The following NCOA1 variants were observed in gnomAD, a reference collection of about 807,000 sequenced individuals.
NCOA1 encodes nuclear receptor coactivator 1.
In NCOA1, 35 loss-of-function variants were observed where a neutral mutation model predicts 150.9. The ratio of observed to expected loss-of-function variants is 0.23; its 90% CI spans 0.18 to 0.31. The LOEUF is 0.31. Among genes scored for constraint, NCOA1 ranks in the 10% least tolerant of loss-of-function variants. NCOA1 has a pLI of 1.00. For synonymous variants in NCOA1, 590 were observed against 630.0 expected (o/e 0.94, Z 0.95); for missense variants, 1,491 against 1,749.3 (o/e 0.85, Z 2.63).
At chr2:24,517,625 G>C (rs985072811) in intron 1 of NCOA1, among the ~76,000 whole-genome samples, 1 of 152,100 alleles carries the variant, frequency 6.6e-6, no homozygotes, top group Non-Finnish European at 1.5e-5. Flanking sequence ...CAAACAATTA[G>C]AACTAGAATA....
At chr2:24,506,168 C>A (rs1054383569) in intron 1 of NCOA1, among the ~76,000 whole-genome samples, 41 of 151,816 alleles carry the variant, frequency 2.7e-4, no homozygotes, top group African/African-American at 8.7e-4. Context: ...CTAATCCAGA[C>A]CCCTGTTGGC....
At chr2:24,576,318 C>A (rs1360833293) in intron 2 of NCOA1, among the ~76,000 whole-genome samples, 1 of 151,772 alleles carries the variant, frequency 6.6e-6, no homozygotes, top group African/African-American at 2.4e-5. Context: ...TAGTTTCTTT[C>A]TGTTAGGCTA....
chr2:24,599,813 C>A (rs188395712), intron 3 of NCOA1, among the ~76,000 whole-genome samples: 1 of 150,088 alleles, frequency 6.7e-6, no homozygotes, highest in Non-Finnish European at 1.5e-5. Context: ...TCACTGCAAA[C>A]CTCTGCCTCC....
intron 1 of NCOA1, among the ~76,000 whole-genome samples, chr2:24,548,343 A>G (rs563844354): frequency 4.6e-4 from 70 of 152,358 alleles, no homozygotes; most frequent in African/African-American, 1.7e-3. Flanking sequence ...ACAGCATGGG[A>G]AAAGACCTGC....
At chr2:24,545,406 G>A (rs1477564813) in intron 1 of NCOA1, among the ~76,000 whole-genome samples, 1 of 152,124 alleles carries the variant, frequency 6.6e-6, no homozygotes, top group African/African-American at 2.4e-5. Flanking sequence ...ATGACCCAAA[G>A]CATAAAATAA....
intron 1 of NCOA1, among the ~76,000 whole-genome samples, chr2:24,533,682 T>C (rs1483572595): frequency 1.3e-5 from 2 of 152,208 alleles, no homozygotes; most frequent in Non-Finnish European, 2.9e-5. Context: ...GTTGAAGGCC[T>C]TTTCTGCATC....
At position 24,665,730 on chromosome 2, in the gene NCOA1, G is replaced by T. The variant is rs1389120425; in HGVS notation, c.90-19G>T. The T allele has an allele frequency of 2.0e-6, 3 of 1,485,286 alleles. No homozygotes were observed. The highest frequency in any genetic ancestry group is 2.8e-5 in the African/African-American group (2 of 70,750). 92.0% of individuals were successfully genotyped at this position (1,485,286 alleles called of 1,614,324 possible). On this transcript the variant is annotated intron_variant, in intron 5 of 22. Coordinates refer to ENST00000348332, the MANE Select transcript of NCOA1 (RefSeq NM_003743.5). The stretch of plus-strand genomic sequence containing the variant: ...TGGTGATACAAATGTACACTAACTG[G>T]ATTTTCTTTGTGTAACAGCACGGAA...
At chr2:24,711,173 T>C (rs1333977403) in intron 14 of NCOA1, 62 bp downstream of exon 14, 1 of 1,491,686 alleles carries the variant, frequency 6.7e-7, no homozygotes, top group African/African-American at 1.4e-5. Context: ...TAGCATTTTG[T>C]CTCTCACCAG....
Position 24,752,093 on chromosome 2 carries a change from C to A in NCOA1, c.3818C>A (p.Pro1273His), listed in dbSNP as rs1374874521. ...PQSSLLQQTP[P>H]ASGYQSPDMK... ...AGTTCTCTTCTCCAGCAAACTCCAC[C>A]TGCCTCCGGGTATCAGTCACCAGAC... Residue 1273 changes from proline (P) to histidine (H), a missense_variant, in exon 20 of 23, where the codon CCT becomes CAT. Coordinates refer to ENST00000348332, the MANE Select transcript of NCOA1 (RefSeq NM_003743.5). 6.2e-7 allele frequency: 1 copy of A among 1,614,062 alleles called. No homozygotes were observed.
chr2:24,742,487 G>T (rs539575804), intron 19 of NCOA1, among the ~76,000 whole-genome samples: 2 of 150,912 alleles, frequency 1.3e-5, no homozygotes, highest in African/African-American at 4.9e-5. Context: ...ATGCAGTCTC[G>T]CTCTGTTGTC....
At chr2:24,537,281 C>A (rs929143133) in intron 1 of NCOA1, among the ~76,000 whole-genome samples, 1 of 150,984 alleles carries the variant, frequency 6.6e-6, no homozygotes, top group Non-Finnish European at 1.5e-5. Context: ...CACACAAACA[C>A]GAAAATTATA....
intron 1 of NCOA1, among the ~76,000 whole-genome samples, chr2:24,528,351 T>TA (rs911200785): frequency 9.4e-4 from 142 of 150,764 alleles, no homozygotes; most frequent in Non-Finnish European, 1.7e-3. Context: ...ATTCTTTTTT[T>TA]TTTTTTTTTT....
At chr2:24,576,173 T>TTTTTTTG (rs1666970375) in intron 2 of NCOA1, among the ~76,000 whole-genome samples, 3 of 40,922 alleles carry the variant, frequency 7.3e-5, no homozygotes, top group Non-Finnish European at 2.1e-4. Flanking sequence ...GTTTTTTGTT[T>TTTTTTTG]TTTTTTTTTT....
Position 24,768,553 on chromosome 2 carries a change from T to C in NCOA1, c.*162T>C. On this transcript the variant is annotated 3_prime_UTR_variant, in exon 23 of 23. Coordinates refer to ENST00000348332, the MANE Select transcript of NCOA1 (RefSeq NM_003743.5). ...AAAAAAAAAAAAAAGGAGTTTGCTT[T>C]TGTCGGGAGATTGAAAGATGTTTTT... The C allele has an allele frequency of 1.8e-6, 1 of 546,976 alleles. No individual in the cohort carries two copies. The highest frequency in any genetic ancestry group is 2.8e-6 in the Non-Finnish European group (1 of 358,828). The allele number at this position is 546,976 out of a possible 1,614,324, so 33.9% of individuals were successfully genotyped here. A position where few individuals can be genotyped will look rare whatever the true frequency, so the allele number is the denominator to read the frequency against.
At chr2:24,651,917 C>T (rs1045349214) in intron 4 of NCOA1, among the ~76,000 whole-genome samples, 4 of 152,106 alleles carry the variant, frequency 2.6e-5, no homozygotes, top group African/African-American at 9.6e-5. Flanking sequence ...AACTGGAACC[C>T]TTGTACATTA....
At chr2:24,686,991 C>T (rs1036474472) in intron 8 of NCOA1, among the ~76,000 whole-genome samples, 2 of 151,876 alleles carry the variant, frequency 1.3e-5, no homozygotes, top group Non-Finnish European at 2.9e-5. Context: ...ATACTGACCA[C>T]CATAACAGGT....
chr2:24,668,081 A>G (rs900844839), intron 6 of NCOA1, among the ~76,000 whole-genome samples: 2 of 152,174 alleles, frequency 1.3e-5, no homozygotes, highest in South Asian at 2.1e-4. Flanking sequence ...TAGGCTTTCA[A>G]TGCATATTTG....
intron 1 of NCOA1, among the ~76,000 whole-genome samples, chr2:24,528,987 C>T (rs575151567): frequency 3.3e-5 from 5 of 152,104 alleles, no homozygotes; most frequent in Admixed American, 6.5e-5. Context: ...CCCAGGTTCA[C>T]GCCATTCTCC....
intron 18 of NCOA1, among the ~76,000 whole-genome samples, chr2:24,740,780 A>G (rs1663562717): frequency 6.6e-6 from 1 of 152,230 alleles, no homozygotes; most frequent in Non-Finnish European, 1.5e-5. Context: ...ATTCACATAA[A>G]GATAATTCCT....
Sources: gnomAD v4.1 joint callset for allele counts (sites outside exome capture counted in the v4.1 genomes callset) on GRCh38, gnomAD v4.1.1 for gene constraint, MANE v1.5 for transcripts, NCBI Gene and HGNC (gene_info 2026-07-23, HGNC 2026-07-21) for gene names.